Variants in AUTS2 observed in about 807,000 individuals in gnomAD.
AUTS2 encodes autism susceptibility gene 2 protein.
AUTS2 carries 17 observed loss-of-function variants against 112.4 expected under a neutral mutation model. The observed-to-expected ratio is 0.15, with a 90% CI of 0.10 to 0.23. The LOEUF (loss-of-function observed/expected upper bound fraction) is 0.23, where lower values mean the gene tolerates loss of function less well. Ranked by LOEUF, AUTS2 falls within the 10% of genes least tolerant of loss-of-function variation. AUTS2 has a pLI of 1.00. For synonymous variants in AUTS2, 751 were observed against 702.7 expected, an observed-to-expected ratio of 1.07 and a Z score of -1.09; for missense variants, 1,510 against 1,701.6, an observed-to-expected ratio of 0.89 and a Z score of 1.98.
intron 2 of AUTS2, among the ~76,000 whole-genome samples, chr7:69,942,602 C>A (rs1796668157): frequency 6.6e-6 from 1 of 152,158 alleles, no homozygotes; most frequent in Non-Finnish European, 1.5e-5. Flanking sequence ...GGAGACTGTC[C>A]AGCATCTGCA....
intron 1 of AUTS2, among the ~76,000 whole-genome samples, chr7:69,611,757 C>T (rs560551082): frequency 1.3e-5 from 2 of 150,996 alleles, no homozygotes; most frequent in Admixed American, 6.6e-5. Context: ...GGTGAAACCC[C>T]GTCTCTACTA....
At chr7:70,625,284 T>C (rs1446798880) in intron 5 of AUTS2, among the ~76,000 whole-genome samples, 2 of 152,190 alleles carry the variant, frequency 1.3e-5, no homozygotes, top group African/African-American at 2.4e-5. Context: ...TGATGCATAT[T>C]CTTAGCAGTA....
At chr7:70,089,626 A>G (rs984686971) in intron 2 of AUTS2, among the ~76,000 whole-genome samples, 1 of 151,952 alleles carries the variant, frequency 6.6e-6, no homozygotes, top group African/African-American at 2.4e-5. Context: ...TGATATGGTT[A>G]TGTTTATATA....
intron 3 of AUTS2, among the ~76,000 whole-genome samples, chr7:70,130,535 T>C (rs1368301426): frequency 1.3e-5 from 2 of 152,124 alleles, no homozygotes; most frequent in Non-Finnish European, 2.9e-5. Context: ...CTGGAAAATG[T>C]CTTTCAACTG....
chr7:69,858,768 A>T (rs577829096), intron 1 of AUTS2, among the ~76,000 whole-genome samples: 65 of 152,314 alleles, frequency 4.3e-4, no homozygotes, highest in Non-Finnish European at 5.6e-4. Context: ...AATAAAAAAG[A>T]CTTCACAGGG....
At chr7:69,646,104 C>G (rs1795010118) in intron 1 of AUTS2, among the ~76,000 whole-genome samples, 1 of 150,882 alleles carries the variant, frequency 6.6e-6, no homozygotes, top group South Asian at 2.1e-4. Context: ...CCTGGGTGGT[C>G]TGAAATTTTG....
At chr7:69,698,465 C>T (rs1288041980) in intron 1 of AUTS2, among the ~76,000 whole-genome samples, 1 of 152,098 alleles carries the variant, frequency 6.6e-6, no homozygotes, top group African/African-American at 2.4e-5. Context: ...AAAGTACTTA[C>T]CTGCTGAGTG....
At chr7:69,810,221 A>G (rs917893365) in intron 1 of AUTS2, among the ~76,000 whole-genome samples, 1 of 152,200 alleles carries the variant, frequency 6.6e-6, no homozygotes, top group Non-Finnish European at 1.5e-5. Flanking sequence ...GTCAGAGCTC[A>G]TAAGGCTTTG....
intron 5 of AUTS2, among the ~76,000 whole-genome samples, chr7:70,534,432 G>GCA (rs1563022991): frequency 5.8e-4 from 87 of 150,594 alleles, no homozygotes; most frequent in African/African-American, 2.1e-3. Context: ...TTGTTTGTTT[G>GCA]TTTGTTTGTT....
chr7:69,763,607 C>T (rs1788288867), intron 1 of AUTS2, among the ~76,000 whole-genome samples: 1 of 152,112 alleles, frequency 6.6e-6, no homozygotes, highest in Non-Finnish European at 1.5e-5. Flanking sequence ...TCCTGTTAGC[C>T]ACTTAGAGGC....
chr7:70,100,585 C>T (rs370709217), intron 2 of AUTS2, among the ~76,000 whole-genome samples: 2 of 152,080 alleles, frequency 1.3e-5, no homozygotes, highest in East Asian at 3.9e-4. Flanking sequence ...CCCAGCCCCC[C>T]ACCCCACAAT....
chr7:69,986,017 C>T (rs1798500937), intron 2 of AUTS2, among the ~76,000 whole-genome samples: 2 of 152,168 alleles, frequency 1.3e-5, no homozygotes, highest in African/African-American at 2.4e-5. Context: ...CCCGCCTCGA[C>T]CTCTCAAAGT....
At chr7:69,602,051 TG>T in intron 1 of AUTS2, among the ~76,000 whole-genome samples, 1 of 12,066 alleles carries the variant, frequency 8.3e-5, no homozygotes, top group Admixed American at 6.3e-4. Context: ...TGTGTGTGTG[TG>T]TGTGTGTGTG....
chr7:70,136,185 A>G (rs568174024), intron 4 of AUTS2, among the ~76,000 whole-genome samples: 12 of 152,298 alleles, frequency 7.9e-5, no homozygotes, highest in Non-Finnish European at 1.8e-4. Context: ...TTACATGTCT[A>G]TTAATAAAAT....
intron 5 of AUTS2, among the ~76,000 whole-genome samples, chr7:70,580,363 G>A (rs1435416770): frequency 2.0e-5 from 3 of 152,094 alleles, no homozygotes; most frequent in African/African-American, 4.8e-5. Flanking sequence ...GCTTCCTGCC[G>A]GTCCTCCCCC....
intron 5 of AUTS2, among the ~76,000 whole-genome samples, chr7:70,521,950 T>G (rs539635226): frequency 1.3e-5 from 2 of 152,254 alleles, no homozygotes; most frequent in East Asian, 3.9e-4. Flanking sequence ...ATTGAGAGGA[T>G]CACATGAAAT....
intron 2 of AUTS2, among the ~76,000 whole-genome samples, chr7:70,071,918 G>A (rs1395499521): frequency 6.6e-6 from 1 of 152,104 alleles, no homozygotes; most frequent in Non-Finnish European, 1.5e-5. Flanking sequence ...AATATTGATC[G>A]CTTGTCACTC....
intron 5 of AUTS2, among the ~76,000 whole-genome samples, chr7:70,438,295 G>A (rs567535736): frequency 1.3e-5 from 2 of 152,128 alleles, no homozygotes; most frequent in Non-Finnish European, 2.9e-5. Flanking sequence ...TAGATTTCAG[G>A]GTAATAAAGC....
rs78094786 is a variant in AUTS2 at position 70,641,182 on chromosome 7, T to A, written c.691-57387T>A. Among the ~76,000 whole-genome samples the A allele has an allele frequency of 7.0e-3, 1,071 of 152,326 alleles. 13 individuals are homozygous for A. Among genetic ancestry groups the A allele is most frequent in the African/African-American group, 0.024 (1,015 of 41,572 alleles). The stretch of plus-strand genomic sequence containing the variant: ...CAGAACACTCTTTATCTTTGTAAAT[T>A]GAAGTCCTATTCCCATCTTTGAAGA... On this transcript the variant is annotated intron_variant, in intron 5 of 18. Coordinates refer to ENST00000342771, the MANE Select transcript of AUTS2 (RefSeq NM_015570.4).
Sources: gnomAD v4.1 joint callset for allele counts (sites outside exome capture counted in the v4.1 genomes callset) on GRCh38, gnomAD v4.1.1 for gene constraint, MANE v1.5 for transcripts, NCBI Gene and HGNC (gene_info 2026-07-23, HGNC 2026-07-21) for gene names.